Variants in ALLC observed in about 807,000 individuals in gnomAD.
ALLC encodes probable inactive allantoicase.
Under a neutral mutation model 45.0 loss-of-function variants are expected in ALLC, and 40 were observed. The ratio of observed to expected loss-of-function variants is 0.89; its 90% CI spans 0.69 to 1.16. The LOEUF (loss-of-function observed/expected upper bound fraction) is 1.16. Among genes scored for constraint, ALLC ranks in the 50% most tolerant of loss-of-function variants. ALLC has a pLI of 0.00. For synonymous variants in ALLC, 176 were observed against 178.1 expected, an observed-to-expected ratio of 0.99 and a Z score of 0.09; for missense variants, 488 against 493.1, an observed-to-expected ratio of 0.99 and a Z score of 0.10.
intron 8 of ALLC, among the ~76,000 whole-genome samples, 176 bp downstream of exon 8, chr2:3,696,048 T>C (rs1267321181): frequency 6.6e-6 from 1 of 152,214 alleles, no homozygotes; most frequent in Non-Finnish European, 1.5e-5. Flanking sequence ...AAGTCAACAT[T>C]ACCAATTTTT....
At chr2:3,651,422 TGTGTGTGTGTGTGTGTGTGTTAGGAA>T in the ALLC span, among the ~76,000 whole-genome samples, 2 of 56,428 alleles carry the variant, frequency 3.5e-5, no homozygotes, top group Admixed American at 2.5e-4. Context: ...TGTGTGTGTG[TGTGTGTGTGTGTGTGTGTGTTAGGAA>T]GGGAGACGAG....
At chr2:3,674,737 A>C (rs907931702) in intron 3 of ALLC, among the ~76,000 whole-genome samples, 1 of 152,224 alleles carries the variant, frequency 6.6e-6, no homozygotes, top group Non-Finnish European at 1.5e-5. Flanking sequence ...GGTCCAGAGC[A>C]AGCTGAAGTA....
At chr2:3,694,285 A>G (rs1437070259) in intron 7 of ALLC, among the ~76,000 whole-genome samples, 2 of 152,194 alleles carry the variant, frequency 1.3e-5, no homozygotes, top group African/African-American at 4.8e-5. Context: ...CAATGCCTGC[A>G]TGCAGATTTC....
intron 7 of ALLC, among the ~76,000 whole-genome samples, chr2:3,684,176 G>A (rs899246322): frequency 3.3e-5 from 5 of 152,034 alleles, no homozygotes; most frequent in Non-Finnish European, 5.9e-5. Flanking sequence ...AGGCTTTTCC[G>A]AAAGTGCTGC....
intron 1 of ALLC, 62 bp from the exon 2 acceptor site, chr2:3,671,034 A>T: frequency 1.1e-6 from 1 of 933,238 alleles, no homozygotes; most frequent in Non-Finnish European, 1.7e-6. Context: ...TCAGGAGCCT[A>T]GACGGGGCCT....
At chr2:3,660,312 ATGCT>A (rs1453542300) in intron 1 of ALLC, among the ~76,000 whole-genome samples, 1 of 152,172 alleles carries the variant, frequency 6.6e-6, no homozygotes, top group Non-Finnish European at 1.5e-5. Context: ...CTGGAAGCAT[ATGCT>A]AGCGCCGTGC....
intron 7 of ALLC, chr2:3,688,069 G>T: frequency 6.5e-6 from 1 of 154,226 alleles, no homozygotes; most frequent in South Asian, 1.8e-4. Context: ...GAATAAGCTT[G>T]ACAAAGTAGT....
At chr2:3,650,765 C>A in the ALLC span, among the ~76,000 whole-genome samples, 2 of 152,196 alleles carry the variant, frequency 1.3e-5, no homozygotes, top group Non-Finnish European at 2.9e-5. Flanking sequence ...AGTCCCCACC[C>A]TGCAGACCCT....
Position 3,674,180 on chromosome 2 carries a change from C to T in ALLC, c.84+55C>T, listed in dbSNP as rs188508983. On this transcript the variant is annotated intron_variant, in intron 3 of 11. Transcript: ENST00000252505. ...AGGGTTGATGTAGAGAAATCTATGC[C>T]GCCTTGTTATTAAAATCTCCCTGTA... The T allele has an allele frequency of 9.0e-5, 116 of 1,292,670 alleles. No homozygotes were observed. In the Admixed American group the frequency reaches 1.4e-3, roughly 16 times the overall value. The allele number at this position is 1,292,670 out of a possible 1,614,324, so 80.1% of individuals were successfully genotyped here.
At chr2:3,686,297 T>G (rs891592578) in intron 7 of ALLC, among the ~76,000 whole-genome samples, 1 of 150,948 alleles carries the variant, frequency 6.6e-6, no homozygotes, top group African/African-American at 2.4e-5. Context: ...ATGTGTTGAT[T>G]TATATCTGGG....
At chr2:3,676,012 C>T (rs1283962217) in intron 3 of ALLC, among the ~76,000 whole-genome samples, 2 of 152,248 alleles carry the variant, frequency 1.3e-5, no homozygotes, top group African/African-American at 4.8e-5. Flanking sequence ...CATCTCCTGC[C>T]TCCTCCCACA....
At chr2:3,685,395 C>G (rs144279698) in intron 7 of ALLC, among the ~76,000 whole-genome samples, 3 of 149,976 alleles carry the variant, frequency 2.0e-5, no homozygotes, top group Admixed American at 6.7e-5. Flanking sequence ...AAAGAGAAGG[C>G]GAAGCAAGGC....
In ALLC at chr2:3,691,556, C is replaced by T. The variant is rs373763203; in HGVS notation, c.512-4161C>T. ...GGAATTATAGGCATGAGCCATCATA[C>T]CCAGCCTGTCCTTGACCTTTAGGAT... On this transcript the variant is annotated intron_variant, in intron 7 of 11. Transcript: ENST00000252505. Among the ~76,000 whole-genome samples the T allele has an allele frequency of 3.0e-3, 462 of 152,276 alleles. 4 individuals carry two copies. The highest frequency in any genetic ancestry group is 0.011 in the African/African-American group (437 of 41,546).
chr2:3,701,542 G>A lies in ALLC; in HGVS notation c.881G>A (p.Gly294Glu). Residue 294 changes from glycine to glutamate, a missense_variant, in exon 11 of 12, where the codon GGG (glycine) becomes GAG (glutamate). Transcript: ENST00000252505. ...GCTCCTGACAGCTGTAAAGTGGATG[G>A]GTGCATCCTGACAACTCAGGAAGAA... ...GNAPDSCKVD[G>E]CILTTQEEEA... is the part of the protein sequence containing the mutation. 6.3e-7 allele frequency: 1 copy of A among 1,589,622 alleles called. No individual in the cohort carries two copies. Among genetic ancestry groups the A allele is most frequent in the Non-Finnish European group, 8.5e-7 (1 of 1,170,686 alleles).
At chr2:3,647,309 TCACA>T in the ALLC span, among the ~76,000 whole-genome samples, 3 of 151,308 alleles carry the variant, frequency 2.0e-5, no homozygotes, top group Admixed American at 6.6e-5. Context: ...ATGCACACAC[TCACA>T]CACACACACA....
rs1667235120 is a variant in ALLC at position 3,682,959 on chromosome 2, G to C, written c.396G>C (p.Trp132Cys). Residue 132 changes from tryptophan to cysteine, a missense_variant, in exon 7 of 12, where the codon TGG becomes TGC. Physicochemically the swap from Trp to Cys is radical, Grantham distance 215. Coordinates refer to ENST00000252505, the MANE Select transcript of ALLC (RefSeq NM_018436.4). ...ATTGCTAGCTAAAATCCGACGACTGGAGTTACTTGGTTCCCATGACTGAGC... is the reference window on the plus strand; with the variant it reads ...ATTGCTAGCTAAAATCCGACGACTGCAGTTACTTGGTTCCCATGACTGAGC... ...EAIAELKSDDWSYLVPMTELK... is the reference protein window; with the variant it reads ...EAIAELKSDDCSYLVPMTELK... 1.2e-6 allele frequency: 2 copies of C among 1,612,994 alleles called. No individual in the cohort carries two copies. Among genetic ancestry groups the C allele is most frequent in the Non-Finnish European group, 8.5e-7 (1 of 1,179,688 alleles).
chr2:3,701,381 T>C (rs6730148), intron 10 of ALLC, 131 bp from the exon 11 acceptor site: 108,408 of 1,124,190 alleles, frequency 0.096, 6,224 homozygotes, highest in African/African-American at 0.23. Context: ...TTCATACCTT[T>C]GCTTTTGCTC....
chr2:3,682,916 G>A, intron 6 of ALLC, 26 bp from the exon 7 acceptor site: 1 of 1,611,040 alleles, frequency 6.2e-7, no homozygotes, highest in Non-Finnish European at 8.5e-7. Context: ...AAGAGCAATT[G>A]CTGACATTTC....
intron 7 of ALLC, among the ~76,000 whole-genome samples, chr2:3,694,296 A>G (rs1184161523): frequency 6.6e-6 from 1 of 152,184 alleles, no homozygotes; most frequent in Non-Finnish European, 1.5e-5. Context: ...TGCAGATTTC[A>G]TGTCCCAGCT....
Sources: allele counts gnomAD v4.1 joint callset (sites outside exome capture counted in the v4.1 genomes callset), GRCh38; gene constraint gnomAD v4.1.1; transcripts MANE v1.5; gene names NCBI Gene and HGNC (gene_info 2026-07-23, HGNC 2026-07-21).